ZNF273: variants seen among roughly 807,000 people sequenced by gnomAD.
The protein encoded by ZNF273 is zinc finger protein 273, also known as zinc finger protein 9.
A neutral mutation model predicts 14.9 loss-of-function variants in ZNF273; 11 were observed. The observed-to-expected ratio is 0.74, with a 90% CI of 0.46 to 1.22. ZNF273 has a LOEUF of 1.22. Ranked by LOEUF, ZNF273 falls within the 50% of genes most tolerant of loss-of-function variation. ZNF273 has a pLI of 0.00. For missense variants in ZNF273, 577 were observed against 660.6 expected (o/e 0.87, Z 1.39); for synonymous variants, 199 against 223.9 (o/e 0.89, Z 0.99).
At chr7:64,920,179 T>C (rs1362381646) in intron 3 of ZNF273, among the ~76,000 whole-genome samples, 1 of 152,216 alleles carries the variant, frequency 6.6e-6, no homozygotes, top group Non-Finnish European at 1.5e-5. Flanking sequence ...CCACCTTTAG[T>C]TGGCTTGTTA....
downstream of ZNF273, among the ~76,000 whole-genome samples, chr7:64,894,327 G>A (rs556865280): frequency 4.1e-4 from 63 of 152,194 alleles, no homozygotes; most frequent in African/African-American, 1.5e-3. Flanking sequence ...TTTTAAAGTG[G>A]CAGCCATAGG....
chr7:64,916,478 A>G (rs780243133), intron 1 of ZNF273, among the ~76,000 whole-genome samples: 8 of 148,680 alleles, frequency 5.4e-5, no homozygotes, highest in Non-Finnish European at 7.5e-5. Context: ...TCGGGAGGCG[A>G]AGATTGCACT....
downstream of ZNF273, among the ~76,000 whole-genome samples, chr7:64,932,043 G>A (rs577619961): frequency 3.9e-5 from 6 of 152,056 alleles, 1 homozygote; most frequent in South Asian, 1.2e-3. Context: ...TTTATGCCAT[G>A]TCATTTCACA....
downstream of ZNF273, chr7:64,890,189 G>GGA (rs749883524): frequency 3.4e-5 from 3 of 87,988 alleles, no homozygotes; most frequent in Non-Finnish European, 4.7e-5. Context: ...GCAGGTTAGG[G>GGA]GTGTGTGTGT....
At chr7:64,924,609 T>C (rs1416599360) in intron 3 of ZNF273, among the ~76,000 whole-genome samples, 1 of 152,224 alleles carries the variant, frequency 6.6e-6, no homozygotes, top group Non-Finnish European at 1.5e-5. Context: ...CTTTGGAGTT[T>C]TGACTTAAAG....
chr7:64,895,139 GA>G (rs1014192023), intron 3 of ZNF273, among the ~76,000 whole-genome samples: 28 of 149,308 alleles, frequency 1.9e-4, no homozygotes, highest in Non-Finnish European at 2.8e-4. Flanking sequence ...TCCATCTCAA[GA>G]AAAAAAAAAT....
intron 1 of ZNF273, among the ~76,000 whole-genome samples, chr7:64,884,753 G>A (rs912246982): frequency 3.9e-5 from 6 of 152,134 alleles, no homozygotes; most frequent in Admixed American, 2.0e-4. Flanking sequence ...AGACTCTTTC[G>A]GGAATGGAGT....
rs147138483 is a variant in ZNF273, at chr7:64,927,719, G to A, written c.391G>A (p.Val131Met). The A allele has an allele frequency of 1.2e-6, 2 of 1,609,562 alleles. No individual in the cohort carries two copies. Among genetic ancestry groups the A allele is most frequent in the Non-Finnish European group, 1.7e-6 (2 of 1,178,888 alleles). Residue 131 changes from valine (V) to methionine (M), a missense_variant, in exon 4 of 4, where the codon GTG becomes ATG. Val to Met is a conservative substitution (Grantham distance 21). Coordinates refer to ENST00000476120, the MANE Select transcript of ZNF273 (RefSeq NM_021148.3). Reference sequence around the variant, plus strand: ...GGGCTTAAAAGATTCTTTTCAAAAAGTGATACTGAGAAGATATGGAAAATA... The same window carrying A: ...GGGCTTAAAAGATTCTTTTCAAAAAATGATACTGAGAAGATATGGAAAATA... ...KQGLKDSFQK[V>M]ILRRYGKYGH...
downstream of ZNF273, chr7:64,889,912 C>T (rs1363035908): frequency 4.0e-6 from 1 of 247,156 alleles, no homozygotes; most frequent in Non-Finnish European, 6.3e-6. This position sits in a 1 kb window ranked among gnomAD's most constrained non-coding sequence, Gnocchi z 4.2. Flanking sequence ...CCCCCACGCC[C>T]TCCAGGACCC....
At chr7:64,934,852 T>G (rs1241247881), downstream of ZNF273, among the ~76,000 whole-genome samples, 3 of 152,152 alleles carry the variant, frequency 2.0e-5, no homozygotes, top group Admixed American at 1.3e-4. Flanking sequence ...TCACTGGTAT[T>G]TTGATAAAGG....
At chr7:64,892,353 A>G (rs74603288), downstream of ZNF273, among the ~76,000 whole-genome samples, 7,449 of 152,216 alleles carry the variant, frequency 0.049, 562 homozygotes, top group African/African-American at 0.16. Flanking sequence ...TTGCTTAGCA[A>G]CAGTGCTTGG....
chr7:64,903,198 G>A (rs1792841179), upstream of ZNF273: 8 of 771,752 alleles, frequency 1.0e-5, no homozygotes, highest in Non-Finnish European at 1.7e-5. Context: ...AATCAGGGAC[G>A]CTGGGCTGGG....
In ZNF273 at chr7:64,928,580, A is replaced by T; in HGVS notation, c.1252A>T (p.Thr418Ser). ...GKAFKRSTTL[T>S]KHKRIYTKEK... ...AGCCTTTAAACGGTCCACAACTCTT[A>T]CTAAACATAAGAGAATTTATACTAA... Residue 418 changes from threonine (T) to serine (S), a missense_variant, in exon 4 of 4, where the codon ACT becomes TCT. Physicochemically the swap from Thr to Ser is moderately conservative, Grantham distance 58. Coordinates refer to ENST00000476120, the MANE Select transcript of ZNF273 (RefSeq NM_021148.3). The T allele has an allele frequency of 6.2e-7, 1 of 1,613,784 alleles. No homozygotes were observed. Among genetic ancestry groups the T allele is most frequent in the Non-Finnish European group, 8.5e-7 (1 of 1,179,846 alleles).
chr7:64,935,471 A>G (rs909258688), downstream of ZNF273, among the ~76,000 whole-genome samples: 3 of 152,042 alleles, frequency 2.0e-5, no homozygotes, highest in Non-Finnish European at 2.9e-5. Flanking sequence ...GAGATTTATC[A>G]TGTATTTATC....
intron 1 of ZNF273, among the ~76,000 whole-genome samples, chr7:64,906,843 A>C (rs1023513181): frequency 3.3e-5 from 5 of 152,252 alleles, no homozygotes; most frequent in Non-Finnish European, 7.3e-5. Flanking sequence ...ATGTAAAAAA[A>C]AAAATTTGAA....
At position 64,929,208 on chromosome 7, in the gene ZNF273, A is replaced by G. The variant is rs1210261948; in HGVS notation, c.*170A>G. 4 of 466,080 alleles carry G rather than the reference A, an allele frequency of 8.6e-6. No homozygotes were observed. The highest frequency in any genetic ancestry group is 1.5e-5 in the Non-Finnish European group (4 of 274,574). 28.9% of individuals were successfully genotyped at this position (466,080 alleles called of 1,614,324 possible). A position where few individuals can be genotyped will look rare whatever the true frequency, so the allele number is the denominator to read the frequency against. ...ATGGAAAAGTCATTAATATCTGCTC[A>G]TATCTTAACATCAGCGAGTTGGTAT... On this transcript the variant is annotated 3_prime_UTR_variant, in exon 4 of 4. Transcript: ENST00000476120.
At chr7:64,904,865 A>C (rs1792980350) in intron 1 of ZNF273, among the ~76,000 whole-genome samples, 1 of 152,162 alleles carries the variant, frequency 6.6e-6, no homozygotes, top group Non-Finnish European at 1.5e-5. Context: ...TTTTGGGTCA[A>C]GGTTTCCCTT....
At chr7:64,933,067 G>C (rs559792472), downstream of ZNF273, among the ~76,000 whole-genome samples, 1 of 152,124 alleles carries the variant, frequency 6.6e-6, no homozygotes, top group Non-Finnish European at 1.5e-5. Flanking sequence ...CGCCTCCCAG[G>C]TTCAAGCTGT....
intron 1 of ZNF273, among the ~76,000 whole-genome samples, chr7:64,885,557 C>T (rs1450859806): frequency 6.6e-6 from 1 of 152,186 alleles, no homozygotes; most frequent in Non-Finnish European, 1.5e-5. Context: ...GTGTTCATCC[C>T]AGGGTCACTT....
Sources: gnomAD v4.1 joint callset for allele counts (sites outside exome capture counted in the v4.1 genomes callset) on GRCh38, gnomAD v4.1.1 for gene constraint, Gnocchi (gnomAD v3.1) non-coding constraint, MANE v1.5 for transcripts, NCBI Gene and HGNC (gene_info 2026-07-23, HGNC 2026-07-21) for gene names.